ADAMTS12: variants seen among roughly 807,000 people sequenced by gnomAD.
ADAMTS12 encodes A disintegrin and metalloproteinase with thrombospondin motifs 12.
A neutral mutation model predicts 167.8 loss-of-function variants in ADAMTS12; 118 were observed. That is an observed-to-expected ratio of 0.70 (90% confidence interval 0.61 to 0.82). The LOEUF is 0.82. ADAMTS12 is among the 40% of genes least tolerant of loss of function. The pLI is 0.00. For missense variants in ADAMTS12, 1,916 were observed against 1,998.8 expected (o/e 0.96, Z 0.79); for synonymous variants, 704 against 716.9 (o/e 0.98, Z 0.29).
At chr5:33,760,973 C>CA (rs1196936911) in intron 2 of ADAMTS12, among the ~76,000 whole-genome samples, 3 of 149,918 alleles carry the variant, frequency 2.0e-5, no homozygotes, top group African/African-American at 7.4e-5. Flanking sequence ...CATGTCTCAC[C>CA]AAAAAATAAA....
In ADAMTS12 at chr5:33,778,127, C is replaced by T. The variant is rs372807198; in HGVS notation, c.490-26579G>A. ...AGCAATCTACAGATTCTATGTAATC[C>T]GTATCAAAATTCCAATGGCATTTTT... On this transcript the variant is annotated intron_variant, in intron 2 of 23. Coordinates refer to ENST00000504830, the MANE Select transcript of ADAMTS12 (RefSeq NM_030955.4). Among the ~76,000 whole-genome samples, 10 of 151,864 alleles carry T rather than the reference C, an allele frequency of 6.6e-5. No individual in the cohort carries two copies. In the East Asian group the frequency reaches 7.7e-4, roughly 12 times the overall value.
At chr5:33,717,346 TA>T (rs1462014120) in intron 3 of ADAMTS12, among the ~76,000 whole-genome samples, 1 of 152,192 alleles carries the variant, frequency 6.6e-6, no homozygotes, top group African/African-American at 2.4e-5. Context: ...TTCAATGGAA[TA>T]GTTAAGTGAA....
At chr5:33,671,065 T>C (rs532757922) in intron 5 of ADAMTS12, among the ~76,000 whole-genome samples, 134 of 152,344 alleles carry the variant, frequency 8.8e-4, no homozygotes, top group Non-Finnish European at 1.3e-3. Context: ...TCAAGTTATA[T>C]CTGGTATTAT....
chr5:33,545,430 A>T (rs142243833), intron 22 of ADAMTS12, among the ~76,000 whole-genome samples: 4 of 152,208 alleles, frequency 2.6e-5, no homozygotes, highest in Non-Finnish European at 5.9e-5. Context: ...AAATTAGTTC[A>T]ACCACTGTGG....
At chr5:33,573,423 C>G (rs547473247) in intron 19 of ADAMTS12, among the ~76,000 whole-genome samples, 4 of 151,302 alleles carry the variant, frequency 2.6e-5, no homozygotes, top group Non-Finnish European at 4.4e-5. Flanking sequence ...TGGAACAGAA[C>G]AGAGCCCTCA....
intron 3 of ADAMTS12, among the ~76,000 whole-genome samples, chr5:33,695,357 CAT>C (rs1269702777): frequency 6.6e-6 from 1 of 152,116 alleles, no homozygotes; most frequent in Non-Finnish European, 1.5e-5. Context: ...AGTATTTTTT[CAT>C]TCTCTTTTTT....
chr5:33,732,330 G>A (rs994368581), intron 3 of ADAMTS12, among the ~76,000 whole-genome samples: 3 of 152,094 alleles, frequency 2.0e-5, no homozygotes, highest in East Asian at 1.9e-4. Flanking sequence ...GAAAGAAAAC[G>A]TCTAAATGAA....
intron 2 of ADAMTS12, among the ~76,000 whole-genome samples, chr5:33,858,672 A>G (rs200047877): frequency 0.1 from 7,527 of 74,346 alleles, 366 homozygotes; most frequent in East Asian, 0.27. Context: ...AAAAAAAAAG[A>G]AAAGAAAAAA....
chr5:33,742,223 A>C (rs968883517), intron 3 of ADAMTS12, among the ~76,000 whole-genome samples: 13 of 151,982 alleles, frequency 8.6e-5, no homozygotes, highest in African/African-American at 3.1e-4. Flanking sequence ...AAAGTGCCCT[A>C]GGGGATTCAT....
intron 3 of ADAMTS12, among the ~76,000 whole-genome samples, chr5:33,729,670 G>A (rs1394289337): frequency 6.6e-6 from 1 of 152,166 alleles, no homozygotes; most frequent in East Asian, 1.9e-4. Context: ...CCGGTGGGAT[G>A]GTACTCTGAA....
intron 2 of ADAMTS12, among the ~76,000 whole-genome samples, chr5:33,788,538 T>C (rs1746416692): frequency 6.6e-6 from 1 of 152,168 alleles, no homozygotes; most frequent in Admixed American, 6.5e-5. Context: ...TTTCTCTTCT[T>C]GATAGTTCCA....
chr5:33,568,358 A>G (rs541015124), intron 19 of ADAMTS12, among the ~76,000 whole-genome samples: 1 of 152,298 alleles, frequency 6.6e-6, no homozygotes, highest in Non-Finnish European at 1.5e-5. Flanking sequence ...GATGCAAGAA[A>G]TTTTGGAGGT....
At chr5:33,730,188 C>G (rs1744135979) in intron 3 of ADAMTS12, among the ~76,000 whole-genome samples, 1 of 152,122 alleles carries the variant, frequency 6.6e-6, no homozygotes, top group Non-Finnish European at 1.5e-5. Context: ...GGATTAGACA[C>G]AGTTTATGCC....
chr5:33,706,338 T>C (rs1448183321), intron 3 of ADAMTS12, among the ~76,000 whole-genome samples: 2 of 152,178 alleles, frequency 1.3e-5, no homozygotes, highest in African/African-American at 4.8e-5. Context: ...TCTAAGTCTC[T>C]TTGTTGGTCT....
At position 33,827,785 on chromosome 5, in the gene ADAMTS12, GTTTAT is replaced by G. The variant is rs144234130; in HGVS notation, c.489+53329_489+53333del. Among the ~76,000 whole-genome samples, 1,275 of 151,890 alleles carry G rather than the reference GTTTAT, an allele frequency of 8.4e-3. 27 individuals are homozygous for G. The highest frequency in any genetic ancestry group is 0.03 in the African/African-American group (1,237 of 41,408). Reference sequence around the variant, plus strand: ...TAGAATGTTTTTGTTTGCTAATGTAGTTTATTTTATATCAATAGTATTGTGTCATA... The same window carrying G: ...TAGAATGTTTTTGTTTGCTAATGTAGTTTATATCAATAGTATTGTGTCATA... On this transcript the variant is annotated intron_variant, in intron 2 of 23. Coordinates refer to ENST00000504830, the MANE Select transcript of ADAMTS12 (RefSeq NM_030955.4).
At chr5:33,557,759 AG>A (rs1482961148) in intron 20 of ADAMTS12, among the ~76,000 whole-genome samples, 13 of 152,182 alleles carry the variant, frequency 8.5e-5, no homozygotes, top group African/African-American at 3.1e-4. Flanking sequence ...GTTAGGAACC[AG>A]GCTGCACAGC....
intron 3 of ADAMTS12, among the ~76,000 whole-genome samples, chr5:33,689,374 TA>T (rs34899077): frequency 0.23 from 33,951 of 148,636 alleles, 3,979 homozygotes; most frequent in East Asian, 0.43. Flanking sequence ...ATCATCTGCC[TA>T]ATAAAATTTC....
chr5:33,720,284 T>TCACACACACACACACA lies in ADAMTS12; in HGVS notation c.634+31104_634+31119dup, dbSNP rs3071626. On this transcript the variant is annotated intron_variant, in intron 3 of 23. Coordinates refer to ENST00000504830, the MANE Select transcript of ADAMTS12 (RefSeq NM_030955.4). ...ATTCACCCCTCTCTCTCTCTCTCAC[T>TCACACACACACACACA]CACACACACACACACACACACACAC... Among the ~76,000 whole-genome samples the TCACACACACACACACA allele has an allele frequency of 1.5e-3, 217 of 147,906 alleles. 1 individual carries two copies. Among genetic ancestry groups the TCACACACACACACACA allele is most frequent in the African/African-American group, 4.5e-3 (180 of 40,368 alleles).
chr5:33,591,947 G>A (rs144496082), intron 17 of ADAMTS12, among the ~76,000 whole-genome samples: 186 of 152,158 alleles, frequency 1.2e-3, no homozygotes, highest in African/African-American at 3.4e-3. Context: ...TAAGCCAGGC[G>A]CGGTAGCTCA....
Sources: allele counts gnomAD v4.1 joint callset (sites outside exome capture counted in the v4.1 genomes callset), GRCh38; gene constraint gnomAD v4.1.1; transcripts MANE v1.5; gene names NCBI Gene and HGNC (gene_info 2026-07-23, HGNC 2026-07-21).